THSD7B: variants seen among roughly 807,000 people sequenced by gnomAD.
THSD7B encodes the protein thrombospondin type 1 domain containing 7B, also known as thrombospondin type-1 domain-containing protein 7B.
Under a neutral mutation model 213.6 loss-of-function variants are expected in THSD7B, and 138 were observed. The ratio of observed to expected loss-of-function variants is 0.65; its 90% CI spans 0.56 to 0.74. The LOEUF is 0.74. THSD7B is among the 30% of genes least tolerant of loss of function. The probability of loss-of-function intolerance (pLI) is 0.00; values close to 1 mark genes in which losing one functional copy is unlikely to be tolerated. For synonymous variants in THSD7B, 742 were observed against 687.0 expected (o/e 1.08, Z -1.25); for missense variants, 1,931 against 1,991.5 (o/e 0.97, Z 0.58).
chr2:137,201,208 T>G (rs2105024364), intron 7 of THSD7B, among the ~76,000 whole-genome samples: 1 of 152,298 alleles, frequency 6.6e-6, no homozygotes, highest in Admixed American at 6.5e-5. Flanking sequence ...TTGTTACATT[T>G]AACCCTTAGT....
chr2:137,497,367 A>G (rs961013934), intron 15 of THSD7B, among the ~76,000 whole-genome samples: 1 of 152,118 alleles, frequency 6.6e-6, no homozygotes, highest in African/African-American at 2.4e-5. Flanking sequence ...TAGACCTTAA[A>G]AACATTTCAC....
intron 6 of THSD7B, among the ~76,000 whole-genome samples, chr2:137,161,730 G>T (rs1295575896): frequency 6.6e-6 from 1 of 152,138 alleles, no homozygotes; most frequent in Non-Finnish European, 1.5e-5. Flanking sequence ...CGCCTCCGCA[G>T]CTTGTGGACA....
intron 17 of THSD7B, among the ~76,000 whole-genome samples, chr2:137,577,639 C>G (rs1681491246): frequency 6.6e-6 from 1 of 152,068 alleles, no homozygotes; most frequent in Non-Finnish European, 1.5e-5. Flanking sequence ...TTTCATTTAT[C>G]TCTTCTTCCC....
chr2:137,277,106 A>G (rs1383655605), intron 12 of THSD7B, among the ~76,000 whole-genome samples: 1 of 152,064 alleles, frequency 6.6e-6, no homozygotes, highest in Non-Finnish European at 1.5e-5. Context: ...TATCTACTCC[A>G]TGAATGGAGC....
chr2:136,799,666 T>A (rs1359592244), intron 1 of THSD7B, among the ~76,000 whole-genome samples: 1 of 151,188 alleles, frequency 6.6e-6, no homozygotes, highest in East Asian at 1.9e-4. Context: ...GTTATGTATA[T>A]TTTACACATT....
intron 1 of THSD7B, among the ~76,000 whole-genome samples, chr2:136,856,855 A>G (rs1217552128): frequency 6.6e-6 from 1 of 152,170 alleles, no homozygotes; most frequent in Non-Finnish European, 1.5e-5. Context: ...CTTCCTGTTA[A>G]TTGTTTTCCT....
In THSD7B at chr2:137,663,874, G is replaced by C. The variant is rs888846982; in HGVS notation, c.4651+299G>C. ...TCTTTCTTTTTTCTTGGGTCGGGGAGAGAATTTCACTCTGTCGCCCAGGCT... is the reference window on the plus strand; with the variant it reads ...TCTTTCTTTTTTCTTGGGTCGGGGACAGAATTTCACTCTGTCGCCCAGGCT... On this transcript the variant is annotated intron_variant, in intron 26 of 27. Transcript: ENST00000409968. Among the ~76,000 whole-genome samples, 2 of 152,118 alleles carry C rather than the reference G, an allele frequency of 1.3e-5. 1 individual carries two copies. Among genetic ancestry groups the C allele is most frequent in the Non-Finnish European group, 2.9e-5 (2 of 68,024 alleles).
At chr2:137,223,247 T>C (rs116620504) in intron 7 of THSD7B, among the ~76,000 whole-genome samples, 4 of 152,154 alleles carry the variant, frequency 2.6e-5, no homozygotes, top group Admixed American at 6.5e-5. Flanking sequence ...AACTGTGTCA[T>C]GGACCCTAGA....
In THSD7B at chr2:136,828,444, A is replaced by G. The variant is rs180759061; in HGVS notation, c.-35-53700A>G. Among the ~76,000 whole-genome samples the G allele has an allele frequency of 5.7e-4, 87 of 152,230 alleles. 1 individual carries two copies. Among genetic ancestry groups the G allele is most frequent in the Admixed American group, 5.2e-3 (80 of 15,286 alleles). ...TCATCATTTCTTACCTGGTCTGTGA[A>G]GTAGTTTCTTAAATATCTCCCCATA... On this transcript the variant is annotated intron_variant, in intron 1 of 27. Transcript: ENST00000409968.
At chr2:137,513,279 G>A (rs1419161600) in intron 15 of THSD7B, among the ~76,000 whole-genome samples, 2 of 152,180 alleles carry the variant, frequency 1.3e-5, no homozygotes, top group African/African-American at 4.8e-5. Flanking sequence ...GGGACAATAG[G>A]AAGTTTTACT....
chr2:137,461,648 C>T (rs1425697371), intron 15 of THSD7B, among the ~76,000 whole-genome samples: 1 of 152,120 alleles, frequency 6.6e-6, no homozygotes, highest in Non-Finnish European at 1.5e-5. Context: ...CCTCATAAGT[C>T]TGATAAGCCT....
chr2:137,160,193 G>A lies in THSD7B; in HGVS notation c.1370-20G>A, dbSNP rs57653701. 37,908 of 1,604,258 alleles carry A rather than the reference G, an allele frequency of 0.024. 2,796 individuals carry two copies. In the African/African-American group the frequency reaches 0.26, roughly 11 times the overall value. ...ATGTCCAGAGAATGTGACATGGTCC[G>A]TTATCTTTTTGTCCCTCAGTCTCTA... On this transcript the variant is annotated intron_variant, in intron 5 of 27. Transcript: ENST00000409968.
intron 15 of THSD7B, among the ~76,000 whole-genome samples, chr2:137,514,278 A>G (rs892402160): frequency 9.9e-5 from 15 of 152,152 alleles, no homozygotes; most frequent in Admixed American, 4.6e-4. Context: ...CCCACCCTCA[A>G]TCCGGGTGGG....
chr2:136,883,743 G>A (rs1416554534), intron 2 of THSD7B, among the ~76,000 whole-genome samples: 1 of 152,082 alleles, frequency 6.6e-6, no homozygotes, highest in Non-Finnish European at 1.5e-5. Context: ...GGAACAAGAT[G>A]GTAAAAACAA....
At chr2:137,259,519 T>C (rs184546585) in intron 10 of THSD7B, among the ~76,000 whole-genome samples, 1 of 152,322 alleles carries the variant, frequency 6.6e-6, no homozygotes, top group Non-Finnish European at 1.5e-5. Flanking sequence ...CTTTGCCCAC[T>C]TTTTGACGGG....
Position 137,495,788 on chromosome 2 carries a change from G to C in THSD7B, c.3138+44765G>C, listed in dbSNP as rs190176948. Among the ~76,000 whole-genome samples, 4 of 152,194 alleles carry C rather than the reference G, an allele frequency of 2.6e-5. No homozygotes were observed. In the East Asian group the frequency reaches 7.7e-4, roughly 29 times the overall value. On this transcript the variant is annotated intron_variant, in intron 15 of 27. Transcript: ENST00000409968. ...AAAACAAGGTAGTTCTGCTCCAATA[G>C]AGCTTTGATATTTGTAGTGGGACAA... is the stretch of plus-strand genomic sequence containing the variant.
intron 15 of THSD7B, among the ~76,000 whole-genome samples, chr2:137,464,643 A>G (rs1687956380): frequency 1.3e-5 from 2 of 152,248 alleles, no homozygotes; most frequent in South Asian, 4.1e-4. Context: ...ACCCTTAGGC[A>G]TAGAAATACA....
rs574783951 is a variant in THSD7B at position 137,464,334 on chromosome 2, A to G, written c.3138+13311A>G. ...TTCCAGAAAGAGTGCAGAATTCAGG[A>G]GTAAGATTTTTATTATTAAGTGCAG... On this transcript the variant is annotated intron_variant, in intron 15 of 27. Coordinates refer to ENST00000409968, the MANE Select transcript of THSD7B (RefSeq NM_001316349.2). Among the ~76,000 whole-genome samples, 5 of 152,098 alleles carry G rather than the reference A, an allele frequency of 3.3e-5. No individual in the cohort carries two copies. The South Asian group carries it at 1.0e-3, about 32-fold the overall frequency.
chr2:136,899,053 T>C (rs1684016468), intron 2 of THSD7B, among the ~76,000 whole-genome samples: 1 of 152,056 alleles, frequency 6.6e-6, no homozygotes, highest in Non-Finnish European at 1.5e-5. Flanking sequence ...ATATAGCAAA[T>C]ACCCTTTAAA....
Sources: gnomAD v4.1 joint callset for allele counts (sites outside exome capture counted in the v4.1 genomes callset) on GRCh38, gnomAD v4.1.1 for gene constraint, MANE v1.5 for transcripts, NCBI Gene and HGNC (gene_info 2026-07-23, HGNC 2026-07-21) for gene names.